The following GRIK2 variants were observed in gnomAD, a reference collection of about 807,000 sequenced individuals.
GRIK2 encodes glutamate receptor ionotropic, kainate 2.
GRIK2 carries 32 observed loss-of-function variants against 100.3 expected under a neutral mutation model. The observed-to-expected ratio is 0.32, with a 90% CI of 0.24 to 0.43. GRIK2 has a LOEUF of 0.43. Ranked by LOEUF, GRIK2 falls within the 20% of genes least tolerant of loss-of-function variation. The pLI is 1.00. For synonymous variants in GRIK2, 417 were observed against 389.4 expected (o/e 1.07, Z -0.83); for missense variants, 843 against 1,114.9 (o/e 0.76, Z 3.47).
chr6:101,859,367 C>T lies in GRIK2; in HGVS notation c.1398C>T (p.Leu466=), dbSNP rs1784611247. Residue 466 remains leucine (L), a synonymous_variant, in exon 11 of 17, where the codon CTC becomes CTT. Transcript: ENST00000369134. ...GATTTGAAGGCTATTGCATTGATCT[C>T]CTCAGAGAGTTATCTACAATCCTTG... ...NDRFEGYCID[L]LRELSTILGF... is the part of the protein sequence containing the mutation. 2 of 1,602,222 alleles carry T rather than the reference C, an allele frequency of 1.2e-6. No homozygotes were observed. Among genetic ancestry groups the T allele is most frequent in the South Asian group, 2.2e-5 (2 of 90,854 alleles).
chr6:101,991,609 A>C (rs1380217491), intron 14 of GRIK2, among the ~76,000 whole-genome samples: 1 of 151,320 alleles, frequency 6.6e-6, no homozygotes, highest in Non-Finnish European at 1.5e-5. Context: ...AATTATAGCC[A>C]ATTGCCCCCT....
chr6:101,699,514 G>A (rs1772733324), intron 7 of GRIK2, among the ~76,000 whole-genome samples: 1 of 152,050 alleles, frequency 6.6e-6, no homozygotes, highest in South Asian at 2.1e-4. Context: ...CTTACTTTCA[G>A]CTGAGAATGT....
intron 14 of GRIK2, among the ~76,000 whole-genome samples, chr6:101,984,655 A>ACACACACACACACACACACACC (rs369665252): frequency 2.0e-5 from 3 of 148,640 alleles, no homozygotes; most frequent in African/African-American, 5.0e-5. Context: ...ACACACACAC[A>ACACACACACACACACACACACC]CCCTTCAACT....
rs370453732 is a variant in GRIK2 at position 101,516,254 on chromosome 6, G to A, written c.116-105695G>A. On this transcript the variant is annotated intron_variant, in intron 2 of 16. Coordinates refer to ENST00000369134, the MANE Select transcript of GRIK2 (RefSeq NM_021956.5). ...AAAAACAATTCTAAAATTTATATGG[G>A]ACCTAAAAAGAAGCCGCATAGCCAA... 4.7e-4 allele frequency among the ~76,000 whole-genome samples: 72 copies of A among 151,974 alleles called. 3 individuals carry two copies. The East Asian group carries it at 6.2e-3, about 13-fold the overall frequency.
At chr6:101,946,876 A>G (rs548258238) in intron 14 of GRIK2, among the ~76,000 whole-genome samples, 1 of 152,266 alleles carries the variant, frequency 6.6e-6, no homozygotes, top group East Asian at 1.9e-4. Flanking sequence ...TAGTTCTACA[A>G]CTTGGAGCAA....
intron 2 of GRIK2, among the ~76,000 whole-genome samples, chr6:101,488,803 A>C (rs540307123): frequency 1.4e-5 from 2 of 146,262 alleles, no homozygotes; most frequent in Non-Finnish European, 3.0e-5. Context: ...GATATGGATG[A>C]CTTTGTAAAA....
chr6:101,584,301 A>G (rs1446565323), intron 2 of GRIK2, among the ~76,000 whole-genome samples: 2 of 152,058 alleles, frequency 1.3e-5, no homozygotes, highest in East Asian at 3.9e-4. Context: ...AACACAATTC[A>G]AATTATTTTA....
intron 2 of GRIK2, among the ~76,000 whole-genome samples, chr6:101,524,701 T>G (rs866373270): frequency 2.0e-5 from 3 of 150,438 alleles, no homozygotes; most frequent in South Asian, 2.1e-4. Context: ...AGAAAGAAAC[T>G]TAAGACTTGC....
intron 1 of GRIK2, among the ~76,000 whole-genome samples, chr6:101,396,797 G>T (rs959770465): frequency 6.6e-6 from 1 of 152,188 alleles, no homozygotes. Context: ...AGTTCAACTG[G>T]ACAGGTGGAA....
chr6:101,540,577 G>A (rs1239988062), intron 2 of GRIK2, among the ~76,000 whole-genome samples: 1 of 151,904 alleles, frequency 6.6e-6, no homozygotes, highest in Non-Finnish European at 1.5e-5. Context: ...AAAAATGTAT[G>A]AGGAAGCAAA....
At chr6:101,578,609 T>C (rs1777899425) in intron 2 of GRIK2, among the ~76,000 whole-genome samples, 1 of 151,774 alleles carries the variant, frequency 6.6e-6, no homozygotes, top group Admixed American at 6.6e-5. Flanking sequence ...ATCTGAGAGG[T>C]AGCCAGGAGG....
At chr6:101,969,299 G>C (rs1173174558) in intron 14 of GRIK2, among the ~76,000 whole-genome samples, 4 of 151,918 alleles carry the variant, frequency 2.6e-5, no homozygotes, top group Non-Finnish European at 4.4e-5. Context: ...AATAGTGAAA[G>C]TATGCTAGAA....
In GRIK2 at chr6:101,836,659, A is replaced by AT. The variant is rs1239661989; in HGVS notation, c.1317+18177dup. ...TATGTATGTGTATATATATATATATATATTTTTTTTTTTTTTTTTTTTTTG... is the reference window on the plus strand; with the variant it reads ...TATGTATGTGTATATATATATATATATTATTTTTTTTTTTTTTTTTTTTTTG... On this transcript the variant is annotated intron_variant, in intron 10 of 16. Transcript: ENST00000369134. Among the ~76,000 whole-genome samples, 359 of 60,176 alleles carry AT rather than the reference A, an allele frequency of 6.0e-3. 16 individuals carry two copies. Among genetic ancestry groups the AT allele is most frequent in the Middle Eastern group, 0.025 (1 of 40 alleles). The allele number at this position is 60,176 out of a possible 152,430, so 39.5% of individuals were successfully genotyped here.
intron 2 of GRIK2, among the ~76,000 whole-genome samples, chr6:101,573,984 C>T (rs1014824758): frequency 6.6e-6 from 1 of 151,886 alleles, no homozygotes; most frequent in African/African-American, 2.4e-5. Flanking sequence ...AATCATGTAA[C>T]TTGCACGCAG....
intron 15 of GRIK2, among the ~76,000 whole-genome samples, chr6:102,037,970 G>C (rs1216051155): frequency 1.3e-5 from 2 of 151,382 alleles, no homozygotes; most frequent in Non-Finnish European, 3.0e-5. Flanking sequence ...CTGATAATGT[G>C]CTATGAATAT....
intron 11 of GRIK2, among the ~76,000 whole-genome samples, chr6:101,886,637 T>C (rs1786636995): frequency 6.6e-6 from 1 of 151,864 alleles, no homozygotes; most frequent in Admixed American, 6.6e-5. Flanking sequence ...ATTAGAAATA[T>C]TTTACCATTT....
At chr6:101,752,695 C>T (rs1048718586) in intron 7 of GRIK2, among the ~76,000 whole-genome samples, 1 of 151,966 alleles carries the variant, frequency 6.6e-6, no homozygotes. Flanking sequence ...TAGTCATTTG[C>T]GTTATTCCAA....
chr6:101,927,972 C>T (rs1392190099), intron 13 of GRIK2: 2 of 162,014 alleles, frequency 1.2e-5, no homozygotes, highest in African/African-American at 4.8e-5. Context: ...GCTACATGCA[C>T]ATGAAAAGTG....
intron 2 of GRIK2, among the ~76,000 whole-genome samples, chr6:101,481,963 G>A (rs929398978): frequency 1.3e-5 from 2 of 152,104 alleles, no homozygotes; most frequent in Non-Finnish European, 2.9e-5. Context: ...CTGCTGCCCT[G>A]TGAGGAAGAT....
Sources: allele counts gnomAD v4.1 joint callset (sites outside exome capture counted in the v4.1 genomes callset), GRCh38; gene constraint gnomAD v4.1.1; transcripts MANE v1.5; gene names NCBI Gene and HGNC (gene_info 2026-07-23, HGNC 2026-07-21).